The following ATP8A2 variants were observed in gnomAD, a reference collection of about 807,000 sequenced individuals.
ATP8A2 encodes ATPase phospholipid transporting 8A2, also known as phospholipid-transporting ATPase IB.
Under a neutral mutation model 165.6 loss-of-function variants are expected in ATP8A2, and 100 were observed. The ratio of observed to expected loss-of-function variants is 0.60; its 90% CI spans 0.51 to 0.71. The LOEUF (loss-of-function observed/expected upper bound fraction) is 0.71, where lower values mean the gene tolerates loss of function less well. Among genes scored for constraint, ATP8A2 ranks in the 30% least tolerant of loss-of-function variants. The probability of loss-of-function intolerance (pLI) is 0.00; values close to 1 mark genes in which losing one functional copy is unlikely to be tolerated. For missense variants in ATP8A2, 1,227 were observed against 1,479.5 expected, an observed-to-expected ratio of 0.83 and a Z score of 2.80; for synonymous variants, 543 against 548.8, an observed-to-expected ratio of 0.99 and a Z score of 0.15.
At chr13:25,497,308 C>G (rs2036708648) in intron 2 of ATP8A2, among the ~76,000 whole-genome samples, 1 of 152,142 alleles carries the variant, frequency 6.6e-6, no homozygotes, top group Non-Finnish European at 1.5e-5. Context: ...GAGTTAAACA[C>G]AGAGTAGTTT....
rs564867975 is a variant in ATP8A2 at position 25,690,438 on chromosome 13, C to T, written c.2212-8735C>T. On this transcript the variant is annotated intron_variant, in intron 24 of 36. Transcript: ENST00000381655. The stretch of plus-strand genomic sequence containing the variant: ...ACTAAAATTAGAGTATCTCAGCTAC[C>T]CTGCAAGAGAGCTTCTTAGACAAGG... Among the ~76,000 whole-genome samples the T allele has an allele frequency of 4.0e-5, 6 of 151,882 alleles. No individual in the cohort carries two copies. In the East Asian group the frequency reaches 1.2e-3, roughly 29 times the overall value.
intron 16 of ATP8A2, among the ~76,000 whole-genome samples, chr13:25,564,379 C>T (rs967158845): frequency 6.6e-6 from 1 of 152,216 alleles, no homozygotes; most frequent in African/African-American, 2.4e-5. Context: ...ATTGCATATC[C>T]TTTGACTAGG....
chr13:25,547,679 T>C (rs2038694974), intron 10 of ATP8A2, among the ~76,000 whole-genome samples: 1 of 152,174 alleles, frequency 6.6e-6, no homozygotes, highest in Non-Finnish European at 1.5e-5. Flanking sequence ...CCCACCCAAG[T>C]CTGTGGAAAA....
chr13:25,618,482 C>T (rs777800071), intron 24 of ATP8A2, among the ~76,000 whole-genome samples: 7 of 152,014 alleles, frequency 4.6e-5, no homozygotes, highest in Non-Finnish European at 8.8e-5. Flanking sequence ...ACACAATAGC[C>T]CTCCTGTGGG....
intron 27 of ATP8A2, among the ~76,000 whole-genome samples, chr13:25,798,996 A>G (rs1950556141): frequency 1.3e-5 from 2 of 152,162 alleles, no homozygotes; most frequent in African/African-American, 4.8e-5. Context: ...CTCTAAGAAA[A>G]AAAAAATTGA....
Position 26,019,987 on chromosome 13 carries a change from A to T in ATP8A2, c.*2A>T. ...AAAAAGAAATCCAGGAAGAAATAAG[A>T]CATGAATTTTCCTGACTGATCTTAG... On this transcript the variant is annotated 3_prime_UTR_variant, in exon 37 of 37. Transcript: ENST00000381655. The T allele has an allele frequency of 1.9e-6, 3 of 1,603,476 alleles. No individual in the cohort carries two copies. Among genetic ancestry groups the T allele is most frequent in the Non-Finnish European group, 2.6e-6 (3 of 1,170,234 alleles).
intron 1 of ATP8A2, among the ~76,000 whole-genome samples, chr13:25,424,402 C>T (rs1053752200): frequency 1.3e-5 from 2 of 152,136 alleles, no homozygotes; most frequent in Non-Finnish European, 2.9e-5. Flanking sequence ...GGTGGGTTGG[C>T]GTTCCAGCCA....
chr13:25,608,811 T>A (rs1012775176), intron 24 of ATP8A2, among the ~76,000 whole-genome samples: 2 of 152,174 alleles, frequency 1.3e-5, no homozygotes, highest in African/African-American at 2.4e-5. Flanking sequence ...TAACAGAATT[T>A]TGGAGAACTG....
chr13:25,991,163 G>A (rs1484739499), intron 35 of ATP8A2, among the ~76,000 whole-genome samples: 4 of 152,176 alleles, frequency 2.6e-5, no homozygotes, highest in African/African-American at 7.2e-5. Context: ...AGGAAGCTTG[G>A]CGAGATAGCA....
Position 26,021,896 on chromosome 13 carries a change from A to T in ATP8A2, c.*1911A>T, listed in dbSNP as rs1404787713. ...GCTTCCTAACCCTTTTTTGTCAGAA[A>T]TCTACAACCTACTGGGCATGGAAAT... On this transcript the variant is annotated 3_prime_UTR_variant, in exon 37 of 37. Coordinates refer to ENST00000381655, the MANE Select transcript of ATP8A2 (RefSeq NM_016529.6). 6.6e-6 allele frequency: 1 copy of T among 152,172 alleles called. No homozygotes were observed. The highest frequency in any genetic ancestry group is 1.5e-5 in the Non-Finnish European group (1 of 68,038). The allele number at this position is 152,172 out of a possible 1,614,324, so 9.4% of individuals were successfully genotyped here. A position where few individuals can be genotyped will look rare whatever the true frequency, so the allele number is the denominator to read the frequency against.
At chr13:25,805,110 T>C (rs1950703200) in intron 27 of ATP8A2, among the ~76,000 whole-genome samples, 2 of 152,200 alleles carry the variant, frequency 1.3e-5, no homozygotes, top group Non-Finnish European at 2.9e-5. Flanking sequence ...CTTGTTTGCA[T>C]TCTCATTTCC....
At chr13:25,406,141 C>T (rs537367410) in intron 1 of ATP8A2, among the ~76,000 whole-genome samples, 6 of 152,258 alleles carry the variant, frequency 3.9e-5, no homozygotes, top group African/African-American at 9.6e-5. Context: ...GAAGCAGAGA[C>T]GCTGAAGAAA....
chr13:25,686,714 G>A (rs539403253), intron 24 of ATP8A2, among the ~76,000 whole-genome samples: 7 of 152,066 alleles, frequency 4.6e-5, no homozygotes, highest in South Asian at 2.1e-4. Context: ...ACTCAAATTC[G>A]CCATCAGGAC....
intron 2 of ATP8A2, among the ~76,000 whole-genome samples, chr13:25,511,992 G>C (rs1566201978): frequency 1.3e-5 from 2 of 151,768 alleles, no homozygotes; most frequent in Non-Finnish European, 2.9e-5. Context: ...ATAAACAAGT[G>C]AACAAAGGTC....
At chr13:25,513,676 T>C (rs2037356763) in intron 2 of ATP8A2, among the ~76,000 whole-genome samples, 1 of 152,048 alleles carries the variant, frequency 6.6e-6, no homozygotes, top group Non-Finnish European at 1.5e-5. Flanking sequence ...CATTGAGCAC[T>C]GAGTGAACCA....
chr13:25,666,026 A>G (rs893160550), intron 24 of ATP8A2, among the ~76,000 whole-genome samples: 2 of 151,574 alleles, frequency 1.3e-5, no homozygotes, highest in African/African-American at 2.4e-5. Flanking sequence ...AAGAACATCA[A>G]GGGATTGCAG....
chr13:25,911,897 G>A (rs1954115838), intron 33 of ATP8A2, among the ~76,000 whole-genome samples: 1 of 152,112 alleles, frequency 6.6e-6, no homozygotes, highest in Admixed American at 6.6e-5. Flanking sequence ...GGAGAAAAGG[G>A]AACCCTTGTA....
intron 1 of ATP8A2, among the ~76,000 whole-genome samples, chr13:25,418,912 T>C (rs1237951740): frequency 6.6e-6 from 1 of 152,156 alleles, no homozygotes; most frequent in Non-Finnish European, 1.5e-5. Context: ...AGATTTCTCA[T>C]CTGGGTCTTT....
intron 28 of ATP8A2, among the ~76,000 whole-genome samples, chr13:25,829,185 G>A (rs763931416): frequency 5.5e-4 from 83 of 152,156 alleles, no homozygotes; most frequent in Non-Finnish European, 1.0e-3. Flanking sequence ...AGGGTCAAAT[G>A]TGTGGATTCA....
Sources: allele counts gnomAD v4.1 joint callset (sites outside exome capture counted in the v4.1 genomes callset), GRCh38; gene constraint gnomAD v4.1.1; transcripts MANE v1.5; gene names NCBI Gene and HGNC (gene_info 2026-07-23, HGNC 2026-07-21).